The following MDN1 variants were observed in gnomAD, a reference collection of about 807,000 sequenced individuals.
The protein encoded by MDN1 is midasin AAA ATPase 1.
A neutral mutation model predicts 669.2 loss-of-function variants in MDN1; 266 were observed. The observed-to-expected ratio is 0.40, with a 90% CI of 0.36 to 0.44. MDN1 has a LOEUF of 0.44. MDN1 is among the 20% of genes least tolerant of loss of function. MDN1 has a pLI of 1.00. For synonymous variants in MDN1, 2,385 were observed against 2,457.1 expected, an observed-to-expected ratio of 0.97 and a Z score of 0.87; for missense variants, 5,940 against 6,754.0, an observed-to-expected ratio of 0.88 and a Z score of 4.22.
chr6:89,725,165 T>G (rs1245106087), intron 38 of MDN1, 34 bp downstream of exon 38: 2 of 1,598,060 alleles, frequency 1.3e-6, no homozygotes, highest in Admixed American at 1.7e-5. Flanking sequence ...CCTCCGAGTC[T>G]ATCTTTGGTC....
In MDN1 at chr6:89,644,087, C is replaced by T. The variant is rs201316763; in HGVS notation, c.16709G>A (p.Arg5570Gln). The T allele has an allele frequency of 3.1e-5, 50 of 1,613,932 alleles. No homozygotes were observed. The highest frequency in any genetic ancestry group is 4.2e-5 in the Non-Finnish European group (49 of 1,180,012). ...EFPFPYYIILRDVNALPETLS... is the reference protein window; with the variant it reads ...EFPFPYYIILQDVNALPETLS... ...TGTCTCAGGAAGTGCGTTTACATCT[C>T]GAAGAATGATATAGTATGGGAATGG... The change falls in exon 102 of 102, where the codon CGA becomes CAA. Residue 5570 changes from arginine to glutamine, a missense_variant. This residue lies in a region of MDN1 where 2,280 missense variants were observed against 2,576.3 expected (regional missense o/e 0.88). Transcript: ENST00000369393.
intron 1 of MDN1, among the ~76,000 whole-genome samples, chr6:89,809,259 CT>C (rs1428956803): frequency 6.8e-6 from 1 of 147,076 alleles, no homozygotes; most frequent in African/African-American, 2.5e-5. Flanking sequence ...ATATTTGACT[CT>C]TTTACAGCAC....
Position 89,787,850 on chromosome 6 carries a change from A to G in MDN1, c.1334+4T>C, listed in dbSNP as rs568241176. ...GTGAAAACAGAAAGGTTACTAGTAC[A>G]TACCTCCTGGTTGCAAAAAACTGAA... On this transcript the variant is annotated splice_donor_region_variant and intron_variant, in intron 8 of 101. Transcript: ENST00000369393. The G allele has an allele frequency of 9.9e-6, 16 of 1,609,210 alleles. No individual in the cohort carries two copies. The East Asian group carries it at 2.5e-4, about 25-fold the overall frequency.
intron 33 of MDN1, among the ~76,000 whole-genome samples, chr6:89,737,943 C>A (rs1002705241): frequency 1.3e-5 from 2 of 152,062 alleles, no homozygotes; most frequent in Non-Finnish European, 2.9e-5. Flanking sequence ...AGGCTGCTCT[C>A]GAACTCCTGA....
Position 89,743,453 on chromosome 6 carries a change from A to G in MDN1, c.4317+123T>C, listed in dbSNP as rs1466297103. 3 of 1,354,992 alleles carry G rather than the reference A, an allele frequency of 2.2e-6. No individual in the cohort carries two copies. The East Asian group carries it at 6.9e-5, about 31-fold the overall frequency. The allele number at this position is 1,354,992 out of a possible 1,614,324, so 83.9% of individuals were successfully genotyped here. A position where few individuals can be genotyped will look rare whatever the true frequency, so the allele number is the denominator to read the frequency against. ...GCTTGTGAAGGCCCTTGTAGACCAG[A>G]GAAAATCTGCAGATATGCACATTTA... is the stretch of plus-strand genomic sequence containing the variant. On this transcript the variant is annotated intron_variant, in intron 30 of 101. Transcript: ENST00000369393.
chr6:89,772,544 G>A (rs555650556), intron 14 of MDN1, 29 bp downstream of exon 14: 3 of 1,600,930 alleles, frequency 1.9e-6, no homozygotes, highest in East Asian at 4.5e-5. Context: ...GAAATATCTG[G>A]GGGCAGATTT....
chr6:89,751,392 T>C (rs1190094379), intron 23 of MDN1, 39 bp downstream of exon 23: 1 of 1,612,594 alleles, frequency 6.2e-7, no homozygotes, highest in Non-Finnish European at 8.5e-7. Context: ...TGCCTATGCC[T>C]GTATCAAGTT....
chr6:89,695,972 T>C lies in MDN1; in HGVS notation c.9404A>G (p.Gln3135Arg). ...AEFRRTDSQL[Q>R]GQVLFRHLAG... ...CAGGTGCCGGAACAGCACCTGCCCC[T>C]GGAGTTGGGAATCCGTGCGTCTGTG... The change falls in exon 61 of 102, where the codon CAG becomes CGG. Residue 3135 changes from glutamine (Q) to arginine (R), a missense_variant. By Grantham distance (43) the Gln-to-Arg change is conservative. Coordinates refer to ENST00000369393, the MANE Select transcript of MDN1 (RefSeq NM_014611.3). This position sits in a 1 kb window ranked among gnomAD's most constrained non-coding sequence, Gnocchi z 4.1. 6.2e-7 allele frequency: 1 copy of C among 1,608,538 alleles called. No individual in the cohort carries two copies. Among genetic ancestry groups the C allele is most frequent in the Non-Finnish European group, 8.5e-7 (1 of 1,177,096 alleles).
chr6:89,812,289 A>G (rs566100665), intron 1 of MDN1, among the ~76,000 whole-genome samples: 21 of 152,066 alleles, frequency 1.4e-4, no homozygotes, highest in South Asian at 2.1e-4. Context: ...CAGCCAAGAA[A>G]AAACATTTTT....
intron 59 of MDN1, among the ~76,000 whole-genome samples, chr6:89,697,706 C>T (rs1376679295): frequency 6.6e-6 from 1 of 151,978 alleles, no homozygotes; most frequent in Admixed American, 6.6e-5. Context: ...CTCAGCCTCC[C>T]AAGTAGCTGG....
chr6:89,712,597 T>G lies in MDN1; in HGVS notation c.7408A>C (p.Met2470Leu). 1.4e-5 allele frequency: 23 copies of G among 1,614,160 alleles called. No individual in the cohort carries two copies. Among genetic ancestry groups the G allele is most frequent in the Non-Finnish European group, 1.9e-5 (23 of 1,180,028 alleles). The change falls in exon 48 of 102, where the codon ATG becomes CTG. Residue 2470 changes from methionine to leucine, a missense_variant. Met to Leu is a conservative substitution (Grantham distance 15). This residue lies in a region of MDN1 where 2,292 missense variants were observed against 2,638.3 expected (regional missense o/e 0.87). Transcript: ENST00000369393. Reference sequence around the variant, plus strand: ...GACCTTGTCCAGCTGCTGGTTTTCATGCTCATCCTGTTGAGACAATATACT... The same window carrying G: ...GACCTTGTCCAGCTGCTGGTTTTCAGGCTCATCCTGTTGAGACAATATACT... ...ILVYCLNRMS[M>L]KTSSWTRSQP... is the part of the protein sequence containing the mutation.
Position 89,772,703 on chromosome 6 carries a change from A to G in MDN1, c.1953T>C (p.Ala651=). The G allele has an allele frequency of 6.2e-7, 1 of 1,613,746 alleles. No homozygotes were observed. The highest frequency in any genetic ancestry group is 1.1e-5 in the South Asian group (1 of 91,030). ...VHLQREKFTF[A]ATRPSSVLIE... ...TGAGAACAGAGGACGGCCGTGTAGC[A>G]GCGAAAGTGAACTTCTCCCTGGGAA... is the stretch of plus-strand genomic sequence containing the variant. Residue 651 remains alanine (A), a synonymous_variant, in exon 14 of 102, where the codon GCT becomes GCC. Coordinates refer to ENST00000369393, the MANE Select transcript of MDN1 (RefSeq NM_014611.3).
At chr6:89,683,774 CT>C (rs1811810916) in intron 72 of MDN1, 56 bp downstream of exon 72, 12 of 1,369,030 alleles carry the variant, frequency 8.8e-6, no homozygotes, top group Non-Finnish European at 1.2e-5. Context: ...GTTTTGCTCC[CT>C]ACCACACAAA....
At chr6:89,661,256 T>G (rs538229911) in intron 88 of MDN1, among the ~76,000 whole-genome samples, 175 bp downstream of exon 88, 1 of 152,226 alleles carries the variant, frequency 6.6e-6, no homozygotes, top group Non-Finnish European at 1.5e-5. Context: ...GCTGTAGGGA[T>G]AATCACATGA....
In MDN1 at chr6:89,687,403, C is replaced by T; in HGVS notation, c.11391G>A (p.Leu3797=). Residue 3797 remains leucine (L), a synonymous_variant, in exon 68 of 102, where the codon TTG becomes TTA. Coordinates refer to ENST00000369393, the MANE Select transcript of MDN1 (RefSeq NM_014611.3). ...GACTGATCAAATCAAGATGTTTCCG[C>T]AAAGACAAAGCTCGACTTGCATTTT... ...WEENASRALS[L]RKHLDLISQM... 6.2e-7 allele frequency: 1 copy of T among 1,614,052 alleles called. No individual in the cohort carries two copies. The highest frequency in any genetic ancestry group is 8.5e-7 in the Non-Finnish European group (1 of 1,180,004).
At chr6:89,810,001 A>T (rs1241981171) in intron 1 of MDN1, among the ~76,000 whole-genome samples, 4 of 101,048 alleles carry the variant, frequency 4.0e-5, no homozygotes, top group African/African-American at 8.7e-5. Flanking sequence ...ACTAAAAAAA[A>T]AAAAAAAAAA....
intron 57 of MDN1, 55 bp from the exon 58 acceptor site, chr6:89,699,782 G>A (rs1813016544): frequency 6.4e-7 from 1 of 1,572,954 alleles, no homozygotes; most frequent in African/African-American, 1.4e-5. Context: ...ATGAACTACT[G>A]GAAAGCTGCT....
intron 31 of MDN1, among the ~76,000 whole-genome samples, chr6:89,741,305 G>C (rs1816285475): frequency 6.6e-6 from 1 of 151,932 alleles, no homozygotes; most frequent in Non-Finnish European, 1.5e-5. Context: ...AATTATGAGT[G>C]AGAAAAAAGT....
chr6:89,761,675 A>G lies in MDN1; in HGVS notation c.2430T>C (p.Thr810=). 1 of 1,612,246 alleles carries G rather than the reference A, an allele frequency of 6.2e-7. No individual in the cohort carries two copies. The highest frequency in any genetic ancestry group is 8.5e-7 in the Non-Finnish European group (1 of 1,179,028). The change falls in exon 17 of 102, where the codon ACT becomes ACC. Residue 810 remains threonine, a synonymous_variant. Coordinates refer to ENST00000369393, the MANE Select transcript of MDN1 (RefSeq NM_014611.3). ...LNHAQQQMKM[T]ENTLLFAFVE... is the part of the protein sequence containing the mutation. ...CAAATGCGAACAATAAGGTATTTTCAGTCATTTTCATCTGTTGTTGGGCAT... is the reference window on the plus strand; with the variant it reads ...CAAATGCGAACAATAAGGTATTTTCGGTCATTTTCATCTGTTGTTGGGCAT...
Sources: gnomAD v4.1 joint callset for allele counts (sites outside exome capture counted in the v4.1 genomes callset) on GRCh38, gnomAD v4.1.1 for gene constraint, gnomAD v4.1.1 regional missense constraint, Gnocchi (gnomAD v3.1) non-coding constraint, MANE v1.5 for transcripts, NCBI Gene and HGNC (gene_info 2026-07-23, HGNC 2026-07-21) for gene names.